Variants in TUSC3 observed in about 807,000 individuals in gnomAD.
The protein encoded by TUSC3 is dolichyl-diphosphooligosaccharide--protein glycosyltransferase subunit TUSC3.
A neutral mutation model predicts 44.8 loss-of-function variants in TUSC3; 45 were observed. That is an observed-to-expected ratio of 1.00 (90% confidence interval 0.79 to 1.29). The LOEUF (loss-of-function observed/expected upper bound fraction) is 1.29. Ranked by LOEUF, TUSC3 falls within the 50% of genes most tolerant of loss-of-function variation. TUSC3 has a pLI of 0.00. For missense variants in TUSC3, 519 were observed against 437.9 expected (o/e 1.19, Z -1.65); for synonymous variants, 212 against 152.9 (o/e 1.39, Z -2.85).
chr8:15,829,564 T>C, the TUSC3 span, among the ~76,000 whole-genome samples: 379 of 152,226 alleles, frequency 2.5e-3, 2 homozygotes, highest in African/African-American at 9.0e-3. Flanking sequence ...CAATTTTCCA[T>C]TTACCCTGTT....
intron 1 of TUSC3, among the ~76,000 whole-genome samples, chr8:15,566,038 A>G (rs1802656472): frequency 6.6e-6 from 1 of 152,172 alleles, no homozygotes; most frequent in Admixed American, 6.5e-5. Flanking sequence ...CACCTGATTC[A>G]GAGTAGTACA....
chr8:15,736,536 C>T (rs1327511141), intron 7 of TUSC3, among the ~76,000 whole-genome samples: 1 of 152,030 alleles, frequency 6.6e-6, no homozygotes, highest in Non-Finnish European at 1.5e-5. Flanking sequence ...TTCAAAACCT[C>T]ATGTATGATT....
the TUSC3 span, chr8:15,806,242 C>A: frequency 1.8e-6 from 1 of 560,136 alleles, no homozygotes; most frequent in Non-Finnish European, 3.4e-6. Context: ...TGCTTGTTTG[C>A]CAATTCACCT....
intron 5 of TUSC3, among the ~76,000 whole-genome samples, chr8:15,662,757 G>T (rs541969679): frequency 6.6e-6 from 1 of 152,058 alleles, no homozygotes; most frequent in East Asian, 1.9e-4. Context: ...GCATTGTGGG[G>T]ATACAGAGTA....
the TUSC3 span, among the ~76,000 whole-genome samples, chr8:15,790,882 G>C: frequency 0.024 from 3,696 of 152,216 alleles, 58 homozygotes; most frequent in East Asian, 0.092. Context: ...TATCCTGAAG[G>C]AGCCTGAAGA....
chr8:15,510,773 TA>T (rs111851923), intron 2 of TUSC3, among the ~76,000 whole-genome samples: 11 of 150,704 alleles, frequency 7.3e-5, no homozygotes, highest in African/African-American at 2.2e-4. Flanking sequence ...AGATACTATT[TA>T]AAAAAAAACA....
At chr8:15,847,851 T>C in the TUSC3 span, among the ~76,000 whole-genome samples, 1 of 152,172 alleles carries the variant, frequency 6.6e-6, no homozygotes, top group Non-Finnish European at 1.5e-5. Flanking sequence ...GAACGTTTGC[T>C]GACTGAGCGA....
intron 4 of TUSC3, among the ~76,000 whole-genome samples, chr8:15,660,605 T>C (rs1478423137): frequency 6.6e-6 from 1 of 151,930 alleles, no homozygotes; most frequent in African/African-American, 2.4e-5. Context: ...CTATAAGATA[T>C]AAACACATTT....
intron 9 of TUSC3, among the ~76,000 whole-genome samples, chr8:15,749,345 A>G (rs1811589594): frequency 1.3e-5 from 2 of 152,192 alleles, no homozygotes; most frequent in Admixed American, 6.5e-5. Flanking sequence ...TCATAGCAGC[A>G]ATATATAGCT....
At chr8:15,598,939 T>C (rs1027043989) in intron 1 of TUSC3, among the ~76,000 whole-genome samples, 2 of 151,816 alleles carry the variant, frequency 1.3e-5, no homozygotes, top group African/African-American at 4.8e-5. Flanking sequence ...AAGTGTTCAA[T>C]TCCTTTTGAG....
chr8:15,758,218 C>T, intron 10 of TUSC3: 1 of 1,011,558 alleles, frequency 9.9e-7, no homozygotes, highest in Non-Finnish European at 1.2e-6. Flanking sequence ...TCTTTTTTCC[C>T]ATTAACAAAT....
chr8:15,538,926 T>C (rs377216885), upstream of TUSC3, among the ~76,000 whole-genome samples: 42 of 152,014 alleles, frequency 2.8e-4, 1 homozygote, highest in East Asian at 5.4e-3. Flanking sequence ...CGGAACTCAC[T>C]GTAACCTCAA....
At chr8:15,419,241 A>G (rs937483570) in intron 1 of TUSC3, among the ~76,000 whole-genome samples, 1 of 152,210 alleles carries the variant, frequency 6.6e-6, no homozygotes, top group Non-Finnish European at 1.5e-5. Context: ...AGAGATTAAA[A>G]ATACTTTCAC....
At chr8:15,573,167 T>TC (rs71211060) in intron 1 of TUSC3, among the ~76,000 whole-genome samples, 2,918 of 98,430 alleles carry the variant, frequency 0.03, 122 homozygotes, top group African/African-American at 0.059. Context: ...GTTCTCTCTC[T>TC]TTCTCTCTCT....
At chr8:15,839,537 AC>A in the TUSC3 span, among the ~76,000 whole-genome samples, 4 of 152,052 alleles carry the variant, frequency 2.6e-5, no homozygotes, top group East Asian at 7.8e-4. Flanking sequence ...AAGAAAAAAA[AC>A]AAACGACCCC....
At chr8:15,759,945 T>G (rs1215685167) in intron 10 of TUSC3, among the ~76,000 whole-genome samples, 1 of 152,136 alleles carries the variant, frequency 6.6e-6, no homozygotes, top group Non-Finnish European at 1.5e-5. Context: ...CTCATCCTTC[T>G]TTATGTTATT....
At position 15,582,438 on chromosome 8, in the gene TUSC3, A is replaced by G. The variant is rs371635338; in HGVS notation, c.139-40642A>G. Reference sequence around the variant, plus strand: ...TTGGAAATGGAAGATACGTACCTTCATGCTATAATGAAGGACATTTTGACC... The same window carrying G: ...TTGGAAATGGAAGATACGTACCTTCGTGCTATAATGAAGGACATTTTGACC... On this transcript the variant is annotated intron_variant, in intron 1 of 10. Coordinates refer to ENST00000503731, the MANE Select transcript of TUSC3 (RefSeq NM_006765.4). Among the ~76,000 whole-genome samples the G allele has an allele frequency of 5.3e-5, 8 of 152,364 alleles. No individual in the cohort carries two copies. The South Asian group carries it at 1.7e-3, about 32-fold the overall frequency.
At chr8:15,550,585 C>G (rs1182228289) in intron 1 of TUSC3, among the ~76,000 whole-genome samples, 1 of 151,636 alleles carries the variant, frequency 6.6e-6, no homozygotes, top group Non-Finnish European at 1.5e-5. Context: ...CCCCCATCCC[C>G]TGTCCTTTCG....
intron 7 of TUSC3, among the ~76,000 whole-genome samples, chr8:15,738,628 G>T (rs1811036514): frequency 6.6e-6 from 1 of 151,700 alleles, no homozygotes; most frequent in African/African-American, 2.4e-5. Context: ...TATAGGCTGT[G>T]GTCAATAAAG....
Sources: allele counts gnomAD v4.1 joint callset (sites outside exome capture counted in the v4.1 genomes callset), GRCh38; gene constraint gnomAD v4.1.1; transcripts MANE v1.5; gene names NCBI Gene and HGNC (gene_info 2026-07-23, HGNC 2026-07-21).